Variants in GLI2 observed in about 807,000 individuals in gnomAD.
GLI2 encodes transcription activator GLI2.
GLI2 carries 22 observed loss-of-function variants against 78.9 expected under a neutral mutation model. The ratio of observed to expected loss-of-function variants is 0.28; its 90% CI spans 0.20 to 0.40. GLI2 has a LOEUF of 0.40. Among genes scored for constraint, GLI2 ranks in the 10% least tolerant of loss-of-function variants. GLI2 has a pLI of 1.00. For missense variants in GLI2, 2,097 were observed against 2,213.2 expected, an observed-to-expected ratio of 0.95 and a Z score of 1.05; for synonymous variants, 974 against 963.7, an observed-to-expected ratio of 1.01 and a Z score of -0.20.
chr2:120,951,541 G>T (rs919023798), intron 4 of GLI2, 96 bp downstream of exon 4: 132 of 766,322 alleles, frequency 1.7e-4, no homozygotes, highest in Non-Finnish European at 3.9e-5. Context: ...CCTCAGCCTT[G>T]GTCCCCTTGA....
chr2:120,892,491 G>C (rs541445809), intron 2 of GLI2, among the ~76,000 whole-genome samples: 4 of 152,308 alleles, frequency 2.6e-5, no homozygotes, highest in South Asian at 2.1e-4. Flanking sequence ...GTGCTGGCCC[G>C]GTACCAGCTT....
chr2:120,765,949 C>G (rs1406280469), intron 1 of GLI2, among the ~76,000 whole-genome samples: 1 of 152,196 alleles, frequency 6.6e-6, no homozygotes, highest in African/African-American at 2.4e-5. Flanking sequence ...GAAAAGCACT[C>G]CTCCTGGAAT....
intron 3 of GLI2, among the ~76,000 whole-genome samples, chr2:120,946,684 G>A (rs1041590795): frequency 6.6e-6 from 1 of 152,198 alleles, no homozygotes; most frequent in Non-Finnish European, 1.5e-5. Flanking sequence ...GCCTTTCCTG[G>A]TGAAGTCTCC....
At chr2:120,780,461 A>C (rs1683811487) in intron 1 of GLI2, among the ~76,000 whole-genome samples, 1 of 152,184 alleles carries the variant, frequency 6.6e-6, no homozygotes, top group Non-Finnish European at 1.5e-5. Context: ...GGAGAGAGAG[A>C]AGCTCAGCAC....
chr2:120,848,347 C>T (rs748382027), intron 2 of GLI2, among the ~76,000 whole-genome samples: 1 of 152,168 alleles, frequency 6.6e-6, no homozygotes, highest in Non-Finnish European at 1.5e-5. Flanking sequence ...GCAGCCTCAC[C>T]CCTCATCTTA....
rs966988313 is a variant in GLI2 at position 120,890,707 on chromosome 2, T to C, written c.149-36654T>C. On this transcript the variant is annotated intron_variant, in intron 2 of 13. Coordinates refer to ENST00000361492, the MANE Select transcript of GLI2 (RefSeq NM_001374353.1). Reference sequence around the variant, plus strand: ...AAAAATAAACAAGGTAATTAATATATGCAATGCGAATTACGTCACGTGTCT... The same window carrying C: ...AAAAATAAACAAGGTAATTAATATACGCAATGCGAATTACGTCACGTGTCT... Among the ~76,000 whole-genome samples the C allele has an allele frequency of 3.3e-5, 5 of 152,210 alleles. No individual in the cohort carries two copies. The East Asian group carries it at 9.6e-4, about 29-fold the overall frequency.
chr2:120,780,614 T>C (rs1322460861), intron 1 of GLI2, among the ~76,000 whole-genome samples: 1 of 152,188 alleles, frequency 6.6e-6, no homozygotes, highest in Non-Finnish European at 1.5e-5. Flanking sequence ...TCTGGCCCCA[T>C]GGCGGGTGTC....
rs892211219 is a variant in GLI2 at position 120,737,919 on chromosome 2, C to G, written c.-31+1634C>G. ...GAATAGGCGGGTTTGTCACAGGCCT[C>G]CCTGATGAGACCAGTTTGTTCCAGC... On this transcript the variant is annotated intron_variant, in intron 1 of 13. Transcript: ENST00000361492. This position sits in a 1 kb window ranked among gnomAD's most constrained non-coding sequence, Gnocchi z 4.3. 6.6e-6 allele frequency among the ~76,000 whole-genome samples: 1 copy of G among 152,240 alleles called. No individual in the cohort carries two copies. Among genetic ancestry groups the G allele is most frequent in the East Asian group, 1.9e-4 (1 of 5,196 alleles).
chr2:120,925,772 T>TA (rs1247260482), intron 2 of GLI2, among the ~76,000 whole-genome samples: 1 of 152,066 alleles, frequency 6.6e-6, no homozygotes, highest in Non-Finnish European at 1.5e-5. Flanking sequence ...ACTGTGCATG[T>TA]AAAAAAATGG....
chr2:120,915,449 C>A (rs1308221577), intron 2 of GLI2, among the ~76,000 whole-genome samples: 3 of 152,160 alleles, frequency 2.0e-5, no homozygotes, highest in Non-Finnish European at 2.9e-5. Flanking sequence ...GGATATTATT[C>A]TTATTAAATG....
At chr2:120,973,017 C>T (rs574365566) in intron 8 of GLI2, among the ~76,000 whole-genome samples, 3 of 152,260 alleles carry the variant, frequency 2.0e-5, no homozygotes, top group Non-Finnish European at 4.4e-5. Flanking sequence ...CCACAGAAGC[C>T]GCATCTTGGA....
intron 7 of GLI2, among the ~76,000 whole-genome samples, chr2:120,970,896 C>T (rs1004761741): frequency 6.6e-6 from 1 of 152,222 alleles, no homozygotes. Context: ...CCATGCACAG[C>T]ACATAGCATG....
At chr2:120,809,204 A>T (rs1685112857) in intron 2 of GLI2, among the ~76,000 whole-genome samples, 1 of 152,248 alleles carries the variant, frequency 6.6e-6, no homozygotes, top group South Asian at 2.1e-4. Flanking sequence ...GTGAAGTGCT[A>T]ATCAATGGTA....
chr2:120,768,805 G>GTGTA (rs1285808695), intron 1 of GLI2, among the ~76,000 whole-genome samples: 1 of 147,708 alleles, frequency 6.8e-6, no homozygotes. Context: ...GCCCCTGTGT[G>GTGTA]TGTGTGTGTG....
chr2:120,978,703 G>A, intron 10 of GLI2, 120 bp downstream of exon 10: 2 of 1,101,280 alleles, frequency 1.8e-6, no homozygotes, highest in South Asian at 2.9e-5. Flanking sequence ...GACCACAGCA[G>A]GGGCTCTGGG....
chr2:120,807,795 C>T (rs1286865472), intron 2 of GLI2, among the ~76,000 whole-genome samples: 2 of 151,912 alleles, frequency 1.3e-5, no homozygotes, highest in Non-Finnish European at 2.9e-5. Flanking sequence ...CACAGCCACA[C>T]GTGGACGCTG....
chr2:120,878,221 C>A (rs1327875559), intron 2 of GLI2, among the ~76,000 whole-genome samples: 1 of 152,226 alleles, frequency 6.6e-6, no homozygotes, highest in Non-Finnish European at 1.5e-5. Flanking sequence ...TATGTGTATC[C>A]TCCCTCCCAG....
Position 120,797,472 on chromosome 2 carries a change from C to T in GLI2, c.148+4C>T, listed in dbSNP as rs1558801028. 6.2e-7 allele frequency: 1 copy of T among 1,613,422 alleles called. No individual in the cohort carries two copies. Reference sequence around the variant, plus strand: ...GCAGCGGTAGCTGCCCAAGGAGGTACTTTCTGTTTCGCACACTTGGAGGGC... The same window carrying T: ...GCAGCGGTAGCTGCCCAAGGAGGTATTTTCTGTTTCGCACACTTGGAGGGC... On this transcript the variant is annotated splice_donor_region_variant and intron_variant, in intron 2 of 13. Transcript: ENST00000361492.
intron 2 of GLI2, among the ~76,000 whole-genome samples, chr2:120,856,491 C>A (rs1028251135): frequency 2.6e-5 from 4 of 152,184 alleles, no homozygotes; most frequent in Admixed American, 2.6e-4. Context: ...TTCTCACCAT[C>A]ATGGGCCTCG....
Sources: gnomAD v4.1 joint callset for allele counts (sites outside exome capture counted in the v4.1 genomes callset) on GRCh38, gnomAD v4.1.1 for gene constraint, Gnocchi (gnomAD v3.1) non-coding constraint, MANE v1.5 for transcripts, NCBI Gene and HGNC (gene_info 2026-07-23, HGNC 2026-07-21) for gene names.